Variants in MAGI3 observed in about 807,000 individuals in gnomAD.
The protein encoded by MAGI3 is membrane associated guanylate kinase, WW and PDZ domain containing 3, also known as membrane-associated guanylate kinase, WW and PDZ domain-containing protein 3.
MAGI3 carries 43 observed loss-of-function variants against 121.8 expected under a neutral mutation model. The observed-to-expected ratio is 0.35, with a 90% CI of 0.28 to 0.46. The LOEUF (loss-of-function observed/expected upper bound fraction) is 0.46, where lower values mean the gene tolerates loss of function less well. Ranked by LOEUF, MAGI3 falls within the 20% of genes least tolerant of loss-of-function variation. The pLI is 1.00. For missense variants in MAGI3, 1,547 were observed against 1,797.3 expected, an observed-to-expected ratio of 0.86 and a Z score of 2.52; for synonymous variants, 553 against 639.3, an observed-to-expected ratio of 0.86 and a Z score of 2.04.
intron 1 of MAGI3, among the ~76,000 whole-genome samples, chr1:113,428,370 A>G (rs1455241170): frequency 2.0e-5 from 3 of 152,132 alleles, no homozygotes; most frequent in African/African-American, 7.2e-5. Context: ...TAGTTCATTC[A>G]GCTCTATTTA....
At chr1:113,458,948 A>G (rs947249437) in intron 1 of MAGI3, among the ~76,000 whole-genome samples, 1 of 152,030 alleles carries the variant, frequency 6.6e-6, no homozygotes, top group African/African-American at 2.4e-5. Flanking sequence ...AGCAAACCCA[A>G]TTTTTTTTAT....
At chr1:113,541,705 C>T (rs922818805) in intron 1 of MAGI3, among the ~76,000 whole-genome samples, 2 of 152,038 alleles carry the variant, frequency 1.3e-5, no homozygotes, top group African/African-American at 4.8e-5. Context: ...TAGAGGTGAC[C>T]AGAAAGAATA....
intron 9 of MAGI3, among the ~76,000 whole-genome samples, chr1:113,635,431 A>C (rs1201466983): frequency 6.6e-6 from 1 of 152,166 alleles, no homozygotes; most frequent in African/African-American, 2.4e-5. Context: ...AGTTTTTAGC[A>C]TGAAGCGTTG....
At chr1:113,464,284 A>G (rs1451493634) in intron 1 of MAGI3, among the ~76,000 whole-genome samples, 1 of 152,096 alleles carries the variant, frequency 6.6e-6, no homozygotes, top group Non-Finnish European at 1.5e-5. Flanking sequence ...ATTTCTTGAC[A>G]TAATTACCTC....
chr1:113,510,355 C>CA (rs1657552165), intron 1 of MAGI3, among the ~76,000 whole-genome samples: 1 of 133,412 alleles, frequency 7.5e-6, no homozygotes, highest in African/African-American at 2.8e-5. Context: ...TAGGCCTTGA[C>CA]TTTTTTTTTT....
chr1:113,652,544 A>T (rs1653228940), intron 14 of MAGI3, among the ~76,000 whole-genome samples: 1 of 152,212 alleles, frequency 6.6e-6, no homozygotes, highest in South Asian at 2.1e-4. Context: ...TACTTACAGT[A>T]AAATTGTGAT....
At chr1:113,512,754 T>C (rs1192588566) in intron 1 of MAGI3, among the ~76,000 whole-genome samples, 1 of 152,126 alleles carries the variant, frequency 6.6e-6, no homozygotes, top group Non-Finnish European at 1.5e-5. Flanking sequence ...CTATTCAACA[T>C]AGTGTTGGAA....
At chr1:113,618,437 A>G (rs943627836) in intron 7 of MAGI3, 20 of 413,540 alleles carry the variant, frequency 4.8e-5, no homozygotes, top group Non-Finnish European at 8.1e-5. Context: ...CCTAAAAACA[A>G]TCATGTTCTG....
At chr1:113,593,008 T>C (rs1022400150) in intron 5 of MAGI3, among the ~76,000 whole-genome samples, 2 of 152,232 alleles carry the variant, frequency 1.3e-5, no homozygotes, top group South Asian at 4.2e-4. Context: ...TGAGACTCTG[T>C]CTCAAAAACA....
In MAGI3 at chr1:113,495,455, C is replaced by T. The variant is rs545624409; in HGVS notation, c.317-54060C>T. Among the ~76,000 whole-genome samples, 12 of 151,734 alleles carry T rather than the reference C, an allele frequency of 7.9e-5. No homozygotes were observed. The East Asian group carries it at 1.2e-3, about 15-fold the overall frequency. On this transcript the variant is annotated intron_variant, in intron 1 of 20. Transcript: ENST00000307546. Reference sequence around the variant, plus strand: ...GTGATTTCTGAGAATTTGGTGCACCCATCACCTGAGCAGTGTACACTGTAC... The same window carrying T: ...GTGATTTCTGAGAATTTGGTGCACCTATCACCTGAGCAGTGTACACTGTAC...
Position 113,659,167 on chromosome 1 carries a change from T to C in MAGI3, c.2717T>C (p.Val906Ala). Residue 906 changes from valine to alanine, a missense_variant, in exon 16 of 21, where the codon GTG (valine) becomes GCG (alanine). Transcript: ENST00000307546. ...KLKVGDHISAVNGQSIVELSH... is the reference protein window; with the variant it reads ...KLKVGDHISAANGQSIVELSH... ...AAAGTTGGAGATCATATCTCTGCAG[T>C]GAATGGGCAGTCCATTGTTGAACTG... 1 of 1,614,094 alleles carries C rather than the reference T, an allele frequency of 6.2e-7. No homozygotes were observed. The highest frequency in any genetic ancestry group is 1.1e-5 in the South Asian group (1 of 91,074).
chr1:113,648,221 T>C (rs986396591), intron 12 of MAGI3, among the ~76,000 whole-genome samples: 1 of 152,148 alleles, frequency 6.6e-6, no homozygotes, highest in Non-Finnish European at 1.5e-5. Flanking sequence ...ACAATTTTAA[T>C]AGGAAGTATA....
In MAGI3 at chr1:113,683,582, G is replaced by T. The variant is rs1255877867; in HGVS notation, c.4014G>T (p.Arg1338Ser). 6.2e-7 allele frequency: 1 copy of T among 1,613,776 alleles called. No homozygotes were observed. The highest frequency in any genetic ancestry group is 8.5e-7 in the Non-Finnish European group (1 of 1,179,902). The change falls in exon 21 of 21, where the codon AGG (arginine) becomes AGT (serine). Residue 1338 changes from arginine to serine, a missense_variant. Transcript: ENST00000307546. ...PDGKEKSDVIRKDAKQNQLEK... is the reference protein window; with the variant it reads ...PDGKEKSDVISKDAKQNQLEK... ...GGAAGGAAAAATCAGACGTCATCAG[G>T]AAAGATGCAAAGCAGAATCAGTTGG... is the stretch of plus-strand genomic sequence containing the variant.
intron 1 of MAGI3, among the ~76,000 whole-genome samples, chr1:113,505,708 A>C (rs1221829903): frequency 3.3e-5 from 5 of 152,148 alleles, no homozygotes; most frequent in Non-Finnish European, 5.9e-5. Context: ...AATTTGACAA[A>C]AGAGCTGAAT....
chr1:113,446,606 A>G (rs1241624830), intron 1 of MAGI3, among the ~76,000 whole-genome samples: 1 of 152,248 alleles, frequency 6.6e-6, no homozygotes. Flanking sequence ...TTAGAAAAAC[A>G]TGATTCACTT....
At chr1:113,520,765 G>A (rs1297563913) in intron 1 of MAGI3, among the ~76,000 whole-genome samples, 1 of 152,060 alleles carries the variant, frequency 6.6e-6, no homozygotes, top group Non-Finnish European at 1.5e-5. Flanking sequence ...ACCACAAGTG[G>A]CTAATTTTTA....
intron 11 of MAGI3, 35 bp from the exon 12 acceptor site, chr1:113,646,451 T>TA (rs1652847926): frequency 6.5e-7 from 1 of 1,535,122 alleles, no homozygotes; most frequent in Non-Finnish European, 8.8e-7. Context: ...ATCTGCTTTT[T>TA]AAAAAATACT....
intron 1 of MAGI3, among the ~76,000 whole-genome samples, chr1:113,449,321 C>G (rs555145574): frequency 6.6e-6 from 1 of 150,582 alleles, no homozygotes; most frequent in Non-Finnish European, 1.5e-5. Context: ...TACTTTGAGG[C>G]AGCAAATAAA....
intron 1 of MAGI3, among the ~76,000 whole-genome samples, chr1:113,504,637 T>C (rs1273637429): frequency 6.6e-6 from 1 of 152,110 alleles, no homozygotes; most frequent in Non-Finnish European, 1.5e-5. Context: ...TATCTCTTTT[T>C]TGGAAGGCAA....
Sources: allele counts gnomAD v4.1 joint callset (sites outside exome capture counted in the v4.1 genomes callset), GRCh38; gene constraint gnomAD v4.1.1; transcripts MANE v1.5; gene names NCBI Gene and HGNC (gene_info 2026-07-23, HGNC 2026-07-21).